Variants in LIPI observed in about 807,000 individuals in gnomAD.
The protein encoded by LIPI is lipase I, also known as lipase member I.
LIPI carries 59 observed loss-of-function variants against 50.6 expected under a neutral mutation model. The ratio of observed to expected loss-of-function variants is 1.16; its 90% CI spans 0.94 to 1.45. The LOEUF (loss-of-function observed/expected upper bound fraction) is 1.45, where lower values mean the gene tolerates loss of function less well. LIPI is among the 40% of genes most tolerant of loss of function. The pLI is 0.00. For synonymous variants in LIPI, 203 were observed against 178.2 expected (o/e 1.14, Z -1.11); for missense variants, 586 against 536.3 (o/e 1.09, Z -0.92).
chr21:14,114,737 C>T (rs923622152), intron 9 of LIPI, among the ~76,000 whole-genome samples: 36 of 152,124 alleles, frequency 2.4e-4, no homozygotes, highest in South Asian at 6.2e-4. Context: ...GTGGGGACAT[C>T]GCCAAACCAT....
At chr21:14,190,539 C>T (rs1407371858) in intron 1 of LIPI, among the ~76,000 whole-genome samples, 1 of 152,086 alleles carries the variant, frequency 6.6e-6, no homozygotes, top group African/African-American at 2.4e-5. Flanking sequence ...TATTTTAATA[C>T]TGAGATAATA....
rs947072902 is a variant in LIPI, at chr21:14,171,103, C to A, written c.644-4652G>T. On this transcript the variant is annotated intron_variant, in intron 4 of 9. Coordinates refer to ENST00000681601, the MANE Select transcript of LIPI (RefSeq NM_001302998.2). The stretch of plus-strand genomic sequence containing the variant: ...AACAGAGAGCCAAATCATGAGTGAA[C>A]TCCCATTCACAATTGCTTCAAAGAG... 4.7e-3 allele frequency among the ~76,000 whole-genome samples: 698 copies of A among 149,002 alleles called. 5 individuals carry two copies. The highest frequency in any genetic ancestry group is 0.016 in the African/African-American group (661 of 40,630).
intron 8 of LIPI, among the ~76,000 whole-genome samples, chr21:14,147,094 A>G (rs975352569): frequency 2.6e-5 from 4 of 151,946 alleles, no homozygotes; most frequent in Non-Finnish European, 5.9e-5. Context: ...TTATTCTTAA[A>G]CACACTAAAC....
intron 3 of LIPI, among the ~76,000 whole-genome samples, chr21:14,185,574 C>T (rs374562906): frequency 2.0e-5 from 3 of 152,022 alleles, no homozygotes; most frequent in East Asian, 3.9e-4. Context: ...AATTATTGTA[C>T]CCACTAAATT....
intron 9 of LIPI, among the ~76,000 whole-genome samples, chr21:14,133,131 G>A (rs2017359220): frequency 6.6e-6 from 1 of 152,128 alleles, no homozygotes. Flanking sequence ...TGAGGAGGAA[G>A]GAATTCTATT....
chr21:14,206,648 C>A (rs1011883078), intron 1 of LIPI, among the ~76,000 whole-genome samples: 4 of 152,042 alleles, frequency 2.6e-5, no homozygotes, highest in Non-Finnish European at 4.4e-5. Context: ...CCTTCATTCT[C>A]TTTCCTCATT....
chr21:14,132,947 T>C (rs1204326079), intron 9 of LIPI, among the ~76,000 whole-genome samples: 2 of 151,958 alleles, frequency 1.3e-5, no homozygotes, highest in Non-Finnish European at 2.9e-5. Context: ...AGACTGAACC[T>C]AGAAGAAATA....
intron 3 of LIPI, among the ~76,000 whole-genome samples, chr21:14,183,984 G>T (rs74586956): frequency 6.6e-6 from 1 of 151,898 alleles, no homozygotes; most frequent in Non-Finnish European, 1.5e-5. Context: ...GGGTATATAC[G>T]CAAAGGATTA....
At chr21:14,149,677 T>C (rs967243724) in intron 8 of LIPI, among the ~76,000 whole-genome samples, 3 of 152,096 alleles carry the variant, frequency 2.0e-5, no homozygotes, top group Non-Finnish European at 4.4e-5. Context: ...ATGAGAGCAA[T>C]TGGCCAAAAC....
At chr21:14,142,828 A>G (rs367684860) in intron 9 of LIPI, among the ~76,000 whole-genome samples, 3 of 152,010 alleles carry the variant, frequency 2.0e-5, no homozygotes, top group East Asian at 3.9e-4. Context: ...TACTATAATT[A>G]GTATATTAAC....
chr21:14,110,156 G>A (rs1556274), intron 9 of LIPI, among the ~76,000 whole-genome samples: 75,615 of 150,902 alleles, frequency 0.5, 18,950 homozygotes, highest in Admixed American at 0.53. Context: ...AATTTTTTAT[G>A]AATTCAAGTA....
Position 14,176,721 on chromosome 21 carries a change from C to CTTTT in LIPI, c.643+5033_643+5036dup, listed in dbSNP as rs71183410. Among the ~76,000 whole-genome samples, 1,030 of 133,360 alleles carry CTTTT rather than the reference C, an allele frequency of 7.7e-3. 15 individuals are homozygous for CTTTT. Among genetic ancestry groups the CTTTT allele is most frequent in the African/African-American group, 0.026 (935 of 36,146 alleles). 87.5% of individuals were successfully genotyped at this position (133,360 alleles called of 152,430 possible). On this transcript the variant is annotated intron_variant, in intron 4 of 9. Coordinates refer to ENST00000681601, the MANE Select transcript of LIPI (RefSeq NM_001302998.2). Reference sequence around the variant, plus strand: ...CAAACATTTTTATTTGCTTTCAATTCTTTTTTTTTTTGGTTACATTTCGCT... The same window carrying CTTTT: ...CAAACATTTTTATTTGCTTTCAATTCTTTTTTTTTTTTTTTGGTTACATTTCGCT...
intron 9 of LIPI, among the ~76,000 whole-genome samples, chr21:14,110,709 A>C (rs968671046): frequency 6.6e-6 from 1 of 151,644 alleles, no homozygotes; most frequent in Non-Finnish European, 1.5e-5. Context: ...TAGATTCCAC[A>C]TGTGAGTGAA....
chr21:14,207,588 T>C (rs73347914), intron 1 of LIPI, among the ~76,000 whole-genome samples: 2,216 of 152,218 alleles, frequency 0.015, 61 homozygotes, highest in African/African-American at 0.049. Flanking sequence ...ATCTTAAAAA[T>C]GGATGTAAAA....
intron 2 of LIPI, 67 bp from the exon 3 acceptor site, chr21:14,186,136 A>C: frequency 1.2e-6 from 1 of 858,574 alleles, no homozygotes. Context: ...TGCCCCCCTC[A>C]TATATCGACA....
chr21:14,185,398 T>C (rs1383928358), intron 3 of LIPI, among the ~76,000 whole-genome samples: 13 of 152,252 alleles, frequency 8.5e-5, no homozygotes, highest in Middle Eastern at 3.2e-3. Context: ...AGTATGTCCT[T>C]AAAATTTAGC....
chr21:14,170,944 A>G (rs1016284888), intron 4 of LIPI, among the ~76,000 whole-genome samples: 7 of 151,830 alleles, frequency 4.6e-5, no homozygotes, highest in East Asian at 1.9e-4. Context: ...TGCAGATGAC[A>G]TGATTGTATA....
intron 7 of LIPI, among the ~76,000 whole-genome samples, chr21:14,157,682 G>C (rs1004688396): frequency 6.6e-6 from 1 of 151,802 alleles, no homozygotes; most frequent in African/African-American, 2.4e-5. Context: ...AAAGAAGAAG[G>C]GGGTGAAAGA....
chr21:14,133,785 G>A (rs769973034), intron 9 of LIPI, among the ~76,000 whole-genome samples: 11 of 152,146 alleles, frequency 7.2e-5, no homozygotes, highest in Non-Finnish European at 1.5e-4. Flanking sequence ...AAAAGTTTCA[G>A]CATACAAAAT....
Sources: gnomAD v4.1 joint callset for allele counts (sites outside exome capture counted in the v4.1 genomes callset) on GRCh38, gnomAD v4.1.1 for gene constraint, MANE v1.5 for transcripts, NCBI Gene and HGNC (gene_info 2026-07-23, HGNC 2026-07-21) for gene names.